The following GLS2 variants were observed in gnomAD, a reference collection of about 807,000 sequenced individuals.
The protein encoded by GLS2 is glutaminase 2.
GLS2 carries 52 observed loss-of-function variants against 79.0 expected under a neutral mutation model. That is an observed-to-expected ratio of 0.66 (90% CI 0.53 to 0.83). GLS2 has a LOEUF of 0.83. Among genes scored for constraint, GLS2 ranks in the 40% least tolerant of loss-of-function variants. The probability of loss-of-function intolerance (pLI) is 0.00; values close to 1 mark genes in which losing one functional copy is unlikely to be tolerated. For missense variants in GLS2, 561 were observed against 764.8 expected (o/e 0.73, Z 3.14); for synonymous variants, 238 against 280.8 (o/e 0.85, Z 1.52).
intron 1 of GLS2, among the ~76,000 whole-genome samples, chr12:56,482,624 T>C (rs114324226): frequency 6.6e-6 from 1 of 152,240 alleles, no homozygotes; most frequent in Non-Finnish European, 1.5e-5. Flanking sequence ...GGGTCTTCGA[T>C]AAGAATTACT....
At chr12:56,475,227 C>T in intron 9 of GLS2, 117 bp from the exon 10 acceptor site, 8 of 1,596,918 alleles carry the variant, frequency 5.0e-6, no homozygotes, top group Non-Finnish European at 6.8e-6. Context: ...AAATGAACCC[C>T]TTTATAACTT....
rs1429017839 is a variant in GLS2, at chr12:56,479,892, C to A, written c.292G>T (p.Ala98Ser). ...GGATCTGATGTCTGCAGTCCAGTGG[C>A]CTTTAGTGCCTTTAGAGGAAAGAAG... Reference protein sequence around the residue: ...PIHKFTTALKATGLQTSDPRL... With the variant: ...PIHKFTTALKSTGLQTSDPRL... The change falls in exon 3 of 18, where the codon GCC (alanine) becomes TCC (serine). Residue 98 changes from alanine (A) to serine (S), a missense_variant. Ala to Ser is a moderately conservative substitution (Grantham distance 99). Around this residue, in one of 4 missense-constraint regions of GLS2, gnomAD observed 161 missense variants for 167.8 expected, o/e 0.96. Transcript: ENST00000311966. The A allele has an allele frequency of 1.9e-6, 3 of 1,612,932 alleles. No individual in the cohort carries two copies. The highest frequency in any genetic ancestry group is 1.7e-6 in the Non-Finnish European group (2 of 1,179,746).
chr12:56,487,539 C>G (rs1410604142), intron 1 of GLS2: 1 of 272,520 alleles, frequency 3.7e-6, no homozygotes, highest in East Asian at 1.1e-4. Context: ...CCCAGTACAC[C>G]TGGACCGGAG....
chr12:56,478,965 CAG>C lies in GLS2; in HGVS notation c.534+85_534+86del, dbSNP rs1437314588. The stretch of plus-strand genomic sequence containing the variant: ...CACCATTGCACTCCAGCCCGGGTGA[CAG>C]AGCAAAACTCTGTCTCAGGAAAAAA... On this transcript the variant is annotated intron_variant, in intron 4 of 17. Transcript: ENST00000311966. 9 of 1,497,246 alleles carry C rather than the reference CAG, an allele frequency of 6.0e-6. No individual in the cohort carries two copies. The East Asian group carries it at 1.8e-4, about 30-fold the overall frequency. 92.7% of individuals were successfully genotyped at this position (1,497,246 alleles called of 1,614,324 possible).
Position 56,478,213 on chromosome 12 carries a change from C to A in GLS2, c.584G>T (p.Gly195Val), listed in dbSNP as rs984945960. 6.2e-7 allele frequency: 1 copy of A among 1,614,218 alleles called. No homozygotes were observed. The highest frequency in any genetic ancestry group is 8.5e-7 in the Non-Finnish European group (1 of 1,180,044). ...QLAKSNPDLW[G>V]VSLCTVDGQR... The stretch of plus-strand genomic sequence containing the variant: ...ACCATCCACAGTGCACAGGGAGACA[C>A]CCCACAGGTCTGGGTTTGACTTGGC... The change falls in exon 5 of 18, where the codon GGT becomes GTT. Residue 195 changes from glycine (G) to valine (V), a missense_variant. Coordinates refer to ENST00000311966, the MANE Select transcript of GLS2 (RefSeq NM_013267.4).
chr12:56,471,966 C>T (rs1869315530), intron 16 of GLS2, 130 bp from the exon 17 acceptor site: 3 of 1,274,996 alleles, frequency 2.4e-6, no homozygotes, highest in South Asian at 2.5e-5. Context: ...CCCTGCAGCA[C>T]TCAGTCATAG....
At chr12:56,474,786 A>C (rs1266214194) in intron 11 of GLS2, 60 bp downstream of exon 11, 3 of 1,613,150 alleles carry the variant, frequency 1.9e-6, no homozygotes, top group Admixed American at 1.7e-5. Flanking sequence ...GGGTGTAGGG[A>C]AAGGGCAAGG....
chr12:56,488,065 G>A lies in GLS2; in HGVS notation c.54C>T (p.Cys18=). The part of the protein sequence containing the change: ...QKALSRAGSH[C]GRGGWGHPSR... ...TCGGGTGACCCCAGCCTCCTCGCCC[G>A]CAGTGACTGCCAGCCCGGCTCAGGG... The change falls in exon 1 of 18, where the codon TGC becomes TGT. Residue 18 remains cysteine (C), a synonymous_variant. Transcript: ENST00000311966. 1 of 1,579,834 alleles carries A rather than the reference G, an allele frequency of 6.3e-7. No homozygotes were observed. Among genetic ancestry groups the A allele is most frequent in the Non-Finnish European group, 8.5e-7 (1 of 1,169,954 alleles).
Position 56,474,841 on chromosome 12 carries a change from CT to C in GLS2, c.1047+4del. ...TTCCCTCGGCCCTGAGCAGTGTTTTCTTACCTGGAAGTAGAGATCAAGGGCA... is the reference window on the plus strand; with the variant it reads ...TTCCCTCGGCCCTGAGCAGTGTTTTCTACCTGGAAGTAGAGATCAAGGGCA... On this transcript the variant is annotated splice_donor_region_variant and intron_variant, in intron 11 of 17. Coordinates refer to ENST00000311966, the MANE Select transcript of GLS2 (RefSeq NM_013267.4). The C allele has an allele frequency of 6.2e-7, 1 of 1,614,192 alleles. No individual in the cohort carries two copies. The highest frequency in any genetic ancestry group is 8.5e-7 in the Non-Finnish European group (1 of 1,180,018).
chr12:56,473,475 G>T lies in GLS2; in HGVS notation c.1344C>A (p.Thr448=). The change falls in exon 13 of 18, where the codon ACC becomes ACA. Residue 448 remains threonine (T), a synonymous_variant. Coordinates refer to ENST00000311966, the MANE Select transcript of GLS2 (RefSeq NM_013267.4). ...LDKLGNSHRG[T]SFCQKLVSLF... ...CAAAGCATCTCACCTGGCAGAAGCT[G>T]GTCCCCCTATGGCTGTTCCCCAGCT... The T allele has an allele frequency of 1.2e-6, 2 of 1,611,860 alleles. No homozygotes were observed. The highest frequency in any genetic ancestry group is 1.7e-5 in the Admixed American group (1 of 59,740).
rs989403207 is a variant in GLS2 at position 56,479,948 on chromosome 12, A to G, written c.283-47T>C. The G allele has an allele frequency of 1.9e-6, 3 of 1,595,540 alleles. No homozygotes were observed. In the African/African-American group the frequency reaches 4.0e-5, roughly 21 times the overall value. On this transcript the variant is annotated intron_variant, in intron 2 of 17. Coordinates refer to ENST00000311966, the MANE Select transcript of GLS2 (RefSeq NM_013267.4). ...AGAAAGGTCAGCTACAAGGACAGTG[A>G]TGTACTCCTCATAATCTTTCCCACT...
intron 1 of GLS2, among the ~76,000 whole-genome samples, chr12:56,483,596 T>G (rs1292498689): frequency 6.6e-6 from 1 of 151,858 alleles, no homozygotes; most frequent in East Asian, 1.9e-4. Context: ...AAAAGAAGCG[T>G]GTGGTAGTAT....
Position 56,471,654 on chromosome 12 carries a change from T to TAATG in GLS2, c.1653-15_1653-12dup. ...GGAATGTTGCCCCACCTGAGAGGAA[T>TAATG]AATGATATGATCAGGCAAAGGAGAC... On this transcript the variant is annotated splice_polypyrimidine_tract_variant and intron_variant, in intron 17 of 17. Coordinates refer to ENST00000311966, the MANE Select transcript of GLS2 (RefSeq NM_013267.4). 6.2e-7 allele frequency: 1 copy of TAATG among 1,613,930 alleles called. No homozygotes were observed. The highest frequency in any genetic ancestry group is 8.5e-7 in the Non-Finnish European group (1 of 1,179,862).
At chr12:56,471,706 G>A (rs979203240) in intron 17 of GLS2, 63 bp from the exon 18 acceptor site, 2 of 1,611,458 alleles carry the variant, frequency 1.2e-6, no homozygotes, top group Admixed American at 1.7e-5. Flanking sequence ...GTATATATTT[G>A]CATGGTGGCT....
At chr12:56,481,432 G>A (rs1367888447) in intron 1 of GLS2, among the ~76,000 whole-genome samples, 2 of 149,910 alleles carry the variant, frequency 1.3e-5, no homozygotes, top group African/African-American at 4.9e-5. Flanking sequence ...GGTCTCGAAC[G>A]CCTTACCTCG....
intron 7 of GLS2, 59 bp from the exon 8 acceptor site, chr12:56,476,036 G>A: frequency 1.3e-6 from 2 of 1,544,748 alleles, no homozygotes; most frequent in East Asian, 2.2e-5. Context: ...AGAGGGAAGG[G>A]TCAGAAGGAT....
At position 56,487,629 on chromosome 12, in the gene GLS2, C is replaced by G. The variant is rs1870790095; in HGVS notation, c.182+308G>C. 1.3e-5 allele frequency: 6 copies of G among 450,402 alleles called. No homozygotes were observed. The South Asian group carries it at 1.6e-4, about 12-fold the overall frequency. The allele number at this position is 450,402 out of a possible 1,614,324, so 27.9% of individuals were successfully genotyped here. Reference sequence around the variant, plus strand: ...AAGGTGAGGACTGGCGGCGTGAGCCCGGCCCTGCACTCAGACACGTGAGCC... The same window carrying G: ...AAGGTGAGGACTGGCGGCGTGAGCCGGGCCCTGCACTCAGACACGTGAGCC... On this transcript the variant is annotated intron_variant, in intron 1 of 17. Coordinates refer to ENST00000311966, the MANE Select transcript of GLS2 (RefSeq NM_013267.4).
chr12:56,484,395 T>A (rs1336881827), intron 1 of GLS2, among the ~76,000 whole-genome samples: 1 of 152,162 alleles, frequency 6.6e-6, no homozygotes, highest in Non-Finnish European at 1.5e-5. Flanking sequence ...TTTTGAACCA[T>A]ATGGAATATA....
In GLS2 at chr12:56,479,832, C is replaced by T. The variant is rs370149472; in HGVS notation, c.352G>A (p.Val118Met). Residue 118 changes from valine to methionine, a missense_variant, in exon 3 of 18, where the codon GTG becomes ATG. By Grantham distance (21) the Val-to-Met change is conservative (BLOSUM62 1). Coordinates refer to ENST00000311966, the MANE Select transcript of GLS2 (RefSeq NM_013267.4). ...CCACCACTACTGGACTCTTGGACCACGCGGTGCATCTCGCTCATGCAGTCT... is the reference window on the plus strand; with the variant it reads ...CCACCACTACTGGACTCTTGGACCATGCGGTGCATCTCGCTCATGCAGTCT... ...LRDCMSEMHR[V>M]VQESSSGGLL... 8.1e-6 allele frequency: 13 copies of T among 1,612,298 alleles called. No individual in the cohort carries two copies. Among genetic ancestry groups the T allele is most frequent in the Middle Eastern group, 2.2e-4 (1 of 4,598 alleles).
Sources: gnomAD v4.1 joint callset for allele counts (sites outside exome capture counted in the v4.1 genomes callset) on GRCh38, gnomAD v4.1.1 for gene constraint, gnomAD v4.1.1 regional missense constraint, MANE v1.5 for transcripts, NCBI Gene and HGNC (gene_info 2026-07-23, HGNC 2026-07-21) for gene names.